The following DCDC1 variants were observed in gnomAD, a reference collection of about 807,000 sequenced individuals.
DCDC1 encodes doublecortin domain-containing protein 1.
In DCDC1, 200 loss-of-function variants were observed where a neutral mutation model predicts 178.3. The ratio of observed to expected loss-of-function variants is 1.12; its 90% CI spans 1.00 to 1.26. The LOEUF (loss-of-function observed/expected upper bound fraction) is 1.26. Among genes scored for constraint, DCDC1 ranks in the 50% most tolerant of loss-of-function variants. The pLI, the probability that DCDC1 is intolerant of heterozygous loss-of-function variation, is 0.00. For synonymous variants in DCDC1, 690 were observed against 604.8 expected (o/e 1.14, Z -2.07); for missense variants, 1,983 against 1,749.2 (o/e 1.13, Z -2.38).
intron 9 of DCDC1, among the ~76,000 whole-genome samples, chr11:31,222,494 C>A (rs1408515521): frequency 6.6e-6 from 1 of 152,222 alleles, no homozygotes; most frequent in African/African-American, 2.4e-5. Context: ...AAAGCCACTT[C>A]CACATGTCTA....
At chr11:31,246,175 T>C (rs1206018524) in intron 8 of DCDC1, among the ~76,000 whole-genome samples, 7 of 152,004 alleles carry the variant, frequency 4.6e-5, no homozygotes, top group African/African-American at 1.4e-4. Context: ...CAGGGAATAA[T>C]CAAAGGCTTT....
intron 20 of DCDC1, among the ~76,000 whole-genome samples, chr11:30,969,746 C>A (rs1373823962): frequency 6.6e-6 from 1 of 152,124 alleles, no homozygotes; most frequent in Non-Finnish European, 1.5e-5. Context: ...AGTTCATTTT[C>A]ATTCATTTCC....
intron 20 of DCDC1, among the ~76,000 whole-genome samples, chr11:30,983,767 A>G (rs1950502578): frequency 6.6e-6 from 1 of 152,214 alleles, no homozygotes; most frequent in Admixed American, 6.5e-5. Flanking sequence ...AGTTTTGTGT[A>G]CATTACTCAG....
chr11:31,225,473 C>A (rs1442025122), intron 9 of DCDC1, among the ~76,000 whole-genome samples: 1 of 151,482 alleles, frequency 6.6e-6, no homozygotes, highest in Admixed American at 6.6e-5. Context: ...CACTCAAGAA[C>A]TTATCCATGT....
chr11:31,360,459 TG>T (rs1275200991), intron 1 of DCDC1, among the ~76,000 whole-genome samples: 1 of 152,206 alleles, frequency 6.6e-6, no homozygotes, highest in Non-Finnish European at 1.5e-5. Context: ...ATATATACTA[TG>T]TTTTTTCCTA....
chr11:31,178,044 T>C (rs955846586), intron 9 of DCDC1, among the ~76,000 whole-genome samples: 17 of 152,078 alleles, frequency 1.1e-4, no homozygotes, highest in African/African-American at 4.1e-4. Flanking sequence ...AAACAGATAT[T>C]TACAAAACAT....
intron 9 of DCDC1, among the ~76,000 whole-genome samples, chr11:31,169,603 C>T (rs1255795857): frequency 6.6e-6 from 1 of 152,066 alleles, no homozygotes; most frequent in Non-Finnish European, 1.5e-5. Flanking sequence ...CCATTACCTA[C>T]ACAAAAAGGG....
At chr11:30,906,262 TAAAAGCAACACTGAGAACAGTG>T in intron 30 of DCDC1, 1 of 300,822 alleles carries the variant, frequency 3.3e-6, no homozygotes, top group East Asian at 5.5e-5. Context: ...CTTCCTCACC[TAAAAGCAACACTGAGAACAGTG>T]AAATATGTCA....
intron 3 of DCDC1, among the ~76,000 whole-genome samples, chr11:31,315,648 T>C (rs1949054351): frequency 1.0e-5 from 1 of 97,370 alleles, no homozygotes; most frequent in Non-Finnish European, 1.9e-5. Flanking sequence ...CTGCATACCT[T>C]TTTTTTTTTT....
intron 15 of DCDC1, 121 bp from the exon 16 acceptor site, chr11:31,094,305 A>T (rs931768981): frequency 1.6e-6 from 1 of 631,436 alleles, no homozygotes; most frequent in African/African-American, 1.8e-5. Flanking sequence ...CCTCTTTTCA[A>T]AAAGTAGCAT....
chr11:31,276,973 T>A (rs1591618667), intron 7 of DCDC1, among the ~76,000 whole-genome samples: 1 of 152,292 alleles, frequency 6.6e-6, no homozygotes, highest in East Asian at 1.9e-4. Context: ...TTTTAAAATC[T>A]ACTCTGTTGA....
chr11:31,186,274 T>G (rs557534247), intron 9 of DCDC1, among the ~76,000 whole-genome samples: 16 of 152,270 alleles, frequency 1.1e-4, no homozygotes, highest in African/African-American at 3.4e-4. Context: ...CAAACTCTCC[T>G]TACTCATTTT....
chr11:31,268,714 A>AT (rs1229185059), intron 7 of DCDC1, among the ~76,000 whole-genome samples: 1 of 152,008 alleles, frequency 6.6e-6, no homozygotes, highest in Non-Finnish European at 1.5e-5. Flanking sequence ...TGGCAGAATG[A>AT]TTTTTCTTTT....
intron 20 of DCDC1, among the ~76,000 whole-genome samples, chr11:30,986,116 T>G (rs1950628243): frequency 6.6e-6 from 1 of 152,086 alleles, no homozygotes; most frequent in Non-Finnish European, 1.5e-5. Flanking sequence ...ACCCAAAGCA[T>G]GTCTTCTTCT....
intron 8 of DCDC1, among the ~76,000 whole-genome samples, chr11:31,249,776 G>A (rs1943840781): frequency 6.6e-6 from 1 of 152,130 alleles, no homozygotes; most frequent in South Asian, 2.1e-4. Flanking sequence ...AAAGGTAAAT[G>A]CTAAGGAACT....
At chr11:31,316,253 T>C (rs1271678393) in intron 3 of DCDC1, among the ~76,000 whole-genome samples, 1 of 104,452 alleles carries the variant, frequency 9.6e-6, no homozygotes, top group Non-Finnish European at 1.9e-5. Context: ...ATGGTTGAAC[T>C]AGTTTACAGT....
intron 38 of DCDC1, among the ~76,000 whole-genome samples, chr11:30,873,364 T>TAGAGAGAGAGAG (rs3076153): frequency 4.6e-4 from 63 of 137,080 alleles, no homozygotes; most frequent in African/African-American, 1.7e-3. Context: ...TATATATATA[T>TAGAGAGAGAGAG]AGAGAGAGAG....
In DCDC1 at chr11:31,099,797, C is replaced by A. The variant is rs1399451429; in HGVS notation, c.1983+2380G>T. Among the ~76,000 whole-genome samples, 3 of 150,610 alleles carry A rather than the reference C, an allele frequency of 2.0e-5. No homozygotes were observed. The Admixed American group carries it at 2.0e-4, about 10-fold the overall frequency. The stretch of plus-strand genomic sequence containing the variant: ...GCAGTGGCGCAATCTCGGCTCACTA[C>A]AACCTCTGCTTCCCGGGTTCAAGCA... On this transcript the variant is annotated intron_variant, in intron 15 of 38. Transcript: ENST00000684477.
intron 20 of DCDC1, among the ~76,000 whole-genome samples, chr11:30,980,034 A>G (rs1159479730): frequency 6.6e-6 from 1 of 152,208 alleles, no homozygotes; most frequent in African/African-American, 2.4e-5. Context: ...AAACAATCCT[A>G]TATTTGTCAC....
Sources: allele counts gnomAD v4.1 joint callset (sites outside exome capture counted in the v4.1 genomes callset), GRCh38; gene constraint gnomAD v4.1.1; transcripts MANE v1.5; gene names NCBI Gene and HGNC (gene_info 2026-07-23, HGNC 2026-07-21).